Variants in USP36 observed in about 807,000 individuals in gnomAD.
USP36 encodes the protein ubiquitin specific peptidase 36.
In USP36, 59 loss-of-function variants were observed where a neutral mutation model predicts 111.5. The ratio of observed to expected loss-of-function variants is 0.53; its 90% CI spans 0.43 to 0.66. USP36 has a LOEUF of 0.66. Among genes scored for constraint, USP36 ranks in the 30% least tolerant of loss-of-function variants. The pLI is 0.00. For missense variants in USP36, 1,488 were observed against 1,468.0 expected (o/e 1.01, Z -0.22); for synonymous variants, 628 against 581.0 (o/e 1.08, Z -1.16).
chr17:78,802,537 T>A lies in USP36; in HGVS notation c.2811-2A>T. Reference sequence around the variant, plus strand: ...TCACCATCACCCATGGGAGAGCAGCTGCTTGGAAGTGAGAGGCAGCAGTCA... The same window carrying A: ...TCACCATCACCCATGGGAGAGCAGCAGCTTGGAAGTGAGAGGCAGCAGTCA... On this transcript the variant is annotated splice_acceptor_variant, in intron 16 of 20. Transcript: ENST00000449938. LOFTEE classifies it high-confidence loss of function. The A allele has an allele frequency of 6.2e-7, 1 of 1,602,766 alleles. No individual in the cohort carries two copies. Among genetic ancestry groups the A allele is most frequent in the Non-Finnish European group, 8.5e-7 (1 of 1,179,308 alleles).
At chr17:78,821,905 C>A in intron 7 of USP36, 32 bp downstream of exon 7, 1 of 1,611,724 alleles carries the variant, frequency 6.2e-7, no homozygotes, top group Non-Finnish European at 8.5e-7. Context: ...CTAATCCTGG[C>A]AAGAAGCAGT....
At position 78,798,862 on chromosome 17, in the gene USP36, C is replaced by T. The variant is rs374364136; in HGVS notation, c.3240+46G>A. The T allele has an allele frequency of 4.8e-5, 77 of 1,606,466 alleles. No homozygotes were observed. In the Middle Eastern group the frequency reaches 2.1e-3, roughly 45 times the overall value. On this transcript the variant is annotated intron_variant, in intron 19 of 20. Coordinates refer to ENST00000449938, the MANE Select transcript of USP36 (RefSeq NM_001385174.1). This position sits in a 1 kb window ranked among gnomAD's most constrained non-coding sequence, Gnocchi z 5.1. ...ACTGCCCCGGCTCTGAGCTGAGCCA[C>T]GCCGCCCTGCTCCCTCAAGCCTGTG...
At chr17:78,791,596 C>T (rs1192808481), downstream of USP36, among the ~76,000 whole-genome samples, 1 of 152,212 alleles carries the variant, frequency 6.6e-6, no homozygotes, top group East Asian at 1.9e-4. Context: ...GCCCCTCTCA[C>T]AGGGCAATTT....
rs140856412 is a variant in USP36 at position 78,803,467 on chromosome 17, C to T, written c.2728G>A (p.Ala910Thr). The change falls in exon 16 of 21, where the codon GCG (alanine) becomes ACG (threonine). Residue 910 changes from alanine to threonine, a missense_variant. Ala to Thr is a moderately conservative substitution (Grantham distance 58, BLOSUM62 0). Transcript: ENST00000449938. This position sits in a 1 kb window ranked among gnomAD's most constrained non-coding sequence, Gnocchi z 4.6. ...QVGCVTDGHH[A>T]SSRKRRRKGA... ...TTCCTCCTCCGCTTCCTGCTGCTCG[C>T]GTGGTGGCCGTCCGTAACACATCCC... The T allele has an allele frequency of 2.2e-5, 35 of 1,614,006 alleles. No individual in the cohort carries two copies. Among genetic ancestry groups the T allele is most frequent in the African/African-American group, 1.7e-4 (13 of 74,902 alleles).
intron 10 of USP36, among the ~76,000 whole-genome samples, chr17:78,815,959 T>C (rs966123804): frequency 4.6e-5 from 7 of 151,814 alleles, no homozygotes; most frequent in African/African-American, 7.3e-5. Flanking sequence ...TGCACACACA[T>C]ATACATACAC....
At chr17:78,833,020 C>A (rs1319151374) in intron 4 of USP36, among the ~76,000 whole-genome samples, 2 of 152,002 alleles carry the variant, frequency 1.3e-5, no homozygotes, top group African/African-American at 4.8e-5. Context: ...TGGTGGCGGG[C>A]ACCTGCAGTC....
intron 4 of USP36, among the ~76,000 whole-genome samples, chr17:78,831,237 AAAAAAAAAAAAAAAAAG>A (rs1286775032): frequency 2.7e-5 from 4 of 147,792 alleles, no homozygotes; most frequent in South Asian, 4.3e-4. Flanking sequence ...AAAAAAAAAA[AAAAAAAAAAAAAAAAAG>A]GGACAACATA....
chr17:78,799,041 G>T lies in USP36; in HGVS notation c.3125-18C>A. On this transcript the variant is annotated intron_variant, in intron 18 of 20. Transcript: ENST00000449938. Reference sequence around the variant, plus strand: ...GGTCAGAACTACCAGGCAGACACGGGGGTCAGCACGAGTGCAGGTTCCCAG... The same window carrying T: ...GGTCAGAACTACCAGGCAGACACGGTGGTCAGCACGAGTGCAGGTTCCCAG... 1 of 1,612,636 alleles carries T rather than the reference G, an allele frequency of 6.2e-7. No individual in the cohort carries two copies. Among genetic ancestry groups the T allele is most frequent in the Non-Finnish European group, 8.5e-7 (1 of 1,179,458 alleles).
chr17:78,838,556 C>CA (rs1275060135), intron 2 of USP36, 31 bp downstream of exon 2: 2 of 152,116 alleles, frequency 1.3e-5, no homozygotes, highest in Non-Finnish European at 2.9e-5. Flanking sequence ...TCAACGGAAT[C>CA]AAAAAATACA....
intron 15 of USP36, 116 bp downstream of exon 15, chr17:78,806,040 C>T (rs2093890515): frequency 6.4e-7 from 1 of 1,555,368 alleles, no homozygotes; most frequent in Non-Finnish European, 8.7e-7. Context: ...TCCTGGCTGC[C>T]CCAATGCTTT....
rs149460713 is a variant in USP36, at chr17:78,835,399, C to T, written c.356G>A (p.Arg119His). The change falls in exon 4 of 21, where the codon CGC (arginine) becomes CAC (histidine). Residue 119 changes from arginine (R) to histidine (H), a missense_variant. Arg to His is a conservative substitution (Grantham distance 29, BLOSUM62 0). Transcript: ENST00000449938. ...AAGGTTGTGGAGTCCTGCGCCCACG[C>T]GGAAGACCCGCTCCCACCTCAGAGA... ...RLSLRWERVF[R>H]VGAGLHNLGN... 3.3e-5 allele frequency: 54 copies of T among 1,614,118 alleles called. No homozygotes were observed. Among genetic ancestry groups the T allele is most frequent in the Middle Eastern group, 1.6e-4 (1 of 6,082 alleles).
At chr17:78,839,859 T>C (rs2069083683) in intron 1 of USP36, among the ~76,000 whole-genome samples, 1 of 152,326 alleles carries the variant, frequency 6.6e-6, no homozygotes. Context: ...TGCTCTCTCT[T>C]GTCCAAGGAC....
chr17:78,833,857 G>A (rs529028151), intron 4 of USP36, among the ~76,000 whole-genome samples: 6 of 152,128 alleles, frequency 3.9e-5, no homozygotes, highest in South Asian at 2.1e-4. Flanking sequence ...ATTGTTATCC[G>A]AGTTATAGGA....
At chr17:78,799,351 G>C (rs984380323) in intron 18 of USP36, among the ~76,000 whole-genome samples, 1 of 152,188 alleles carries the variant, frequency 6.6e-6, no homozygotes, top group African/African-American at 2.4e-5. Flanking sequence ...AGCAAGAAGT[G>C]ACATTACCCA....
Position 78,798,699 on chromosome 17 carries a change from C to G in USP36, c.3241-148G>C. 1 of 1,312,366 alleles carries G rather than the reference C, an allele frequency of 7.6e-7. No homozygotes were observed. The highest frequency in any genetic ancestry group is 1.5e-5 in the African/African-American group (1 of 68,490). 81.3% of individuals were successfully genotyped at this position (1,312,366 alleles called of 1,614,324 possible). A position where few individuals can be genotyped will look rare whatever the true frequency, so the allele number is the denominator to read the frequency against. On this transcript the variant is annotated intron_variant, in intron 19 of 20. Coordinates refer to ENST00000449938, the MANE Select transcript of USP36 (RefSeq NM_001385174.1). This position sits in a 1 kb window ranked among gnomAD's most constrained non-coding sequence, Gnocchi z 5.1. ...TCTTCACAATGACCCCTGTGCACGG[C>G]GACCTGCAGTCCCCCTATTGACAAA...
At chr17:78,822,194 G>A (rs1396151577) in intron 6 of USP36, among the ~76,000 whole-genome samples, 190 bp from the exon 7 acceptor site, 1 of 152,076 alleles carries the variant, frequency 6.6e-6, no homozygotes, top group Non-Finnish European at 1.5e-5. Flanking sequence ...TCTCTCTGCA[G>A]AGCTCTGACC....
chr17:78,836,501 C>G, intron 2 of USP36, 129 bp from the exon 3 acceptor site: 4 of 1,206,910 alleles, frequency 3.3e-6, no homozygotes, highest in Non-Finnish European at 4.5e-6. Context: ...CAGTGATCCC[C>G]TGGATCAGCT....
intron 17 of USP36, among the ~76,000 whole-genome samples, chr17:78,800,401 C>T (rs2093711476): frequency 6.6e-6 from 1 of 152,254 alleles, no homozygotes; most frequent in African/African-American, 2.4e-5. Context: ...CACCCAGCAC[C>T]TCGGGACCAG....
chr17:78,800,605 C>A (rs1417022787), intron 17 of USP36, among the ~76,000 whole-genome samples: 1 of 152,224 alleles, frequency 6.6e-6, no homozygotes, highest in Non-Finnish European at 1.5e-5. Flanking sequence ...CCATGGTTCC[C>A]ATCTCATCCA....
Sources: allele counts gnomAD v4.1 joint callset (sites outside exome capture counted in the v4.1 genomes callset), GRCh38; gene constraint gnomAD v4.1.1; non-coding constraint Gnocchi (gnomAD v3.1); transcripts MANE v1.5; gene names NCBI Gene and HGNC (gene_info 2026-07-23, HGNC 2026-07-21).